FOXK1: variants seen among roughly 807,000 people sequenced by gnomAD.
The protein encoded by FOXK1 is forkhead box K1.
In FOXK1, 19 loss-of-function variants were observed where a neutral mutation model predicts 51.9. That is an observed-to-expected ratio of 0.37 (90% CI 0.26 to 0.54). The LOEUF is 0.54. Among genes scored for constraint, FOXK1 ranks in the 20% least tolerant of loss-of-function variants. The probability of loss-of-function intolerance (pLI) is 0.87; values close to 1 mark genes in which losing one functional copy is unlikely to be tolerated. For synonymous variants in FOXK1, 537 were observed against 482.6 expected, an observed-to-expected ratio of 1.11 and a Z score of -1.48; for missense variants, 870 against 1,032.7, an observed-to-expected ratio of 0.84 and a Z score of 2.16.
At chr7:4,716,058 C>G (rs1417583287) in intron 1 of FOXK1, among the ~76,000 whole-genome samples, 1 of 151,942 alleles carries the variant, frequency 6.6e-6, no homozygotes, top group Non-Finnish European at 1.5e-5. Context: ...ATGATGAAAC[C>G]CTGTCTCTAC....
intron 1 of FOXK1, among the ~76,000 whole-genome samples, chr7:4,725,572 C>T (rs1478154585): frequency 2.0e-5 from 3 of 152,376 alleles, no homozygotes; most frequent in East Asian, 1.9e-4. Context: ...CGGGCCCCTC[C>T]GGCCAGTCTG....
At chr7:4,754,678 C>T (rs1298800398) in intron 3 of FOXK1, 63 bp downstream of exon 3, 24 of 1,538,530 alleles carry the variant, frequency 1.6e-5, no homozygotes, top group African/African-American at 5.4e-5. Context: ...AGTGACCCGG[C>T]GCGGGCGGCA....
At chr7:4,688,350 T>C (rs1038409982) in intron 1 of FOXK1, among the ~76,000 whole-genome samples, 2 of 151,936 alleles carry the variant, frequency 1.3e-5, no homozygotes, top group Non-Finnish European at 2.9e-5. Flanking sequence ...AATCAGTGCA[T>C]AGGTTTCTCT....
At chr7:4,739,216 A>G (rs1447064187) in intron 1 of FOXK1, among the ~76,000 whole-genome samples, 1 of 152,182 alleles carries the variant, frequency 6.6e-6, no homozygotes, top group Middle Eastern at 3.2e-3. Flanking sequence ...AGCGTCTCTC[A>G]AGTGTTGAGT....
Position 4,706,028 on chromosome 7 carries a change from ATATACGTG to A in FOXK1, c.560+23165_560+23172del, listed in dbSNP as rs1395900154. Reference sequence around the variant, plus strand: ...CGTATATATACGTATATATACGTGTATATACGTGTATATACGTGTATATATGTATATAT... The same window carrying A: ...CGTATATATACGTATATATACGTGTATATATACGTGTATATATGTATATAT... On this transcript the variant is annotated intron_variant, in intron 1 of 8. Transcript: ENST00000328914. Among the ~76,000 whole-genome samples the A allele has an allele frequency of 1.5e-3, 160 of 109,932 alleles. 10 individuals carry two copies. The highest frequency in any genetic ancestry group is 8.8e-3 in the African/African-American group (145 of 16,412). The allele number at this position is 109,932 out of a possible 152,430, so 72.1% of individuals were successfully genotyped here.
In FOXK1 at chr7:4,758,850, C is replaced by G. The variant is rs1263771744; in HGVS notation, c.1245-201C>G. The G allele has an allele frequency of 8.4e-6, 5 of 598,562 alleles. No individual in the cohort carries two copies. Among genetic ancestry groups the G allele is most frequent in the Middle Eastern group, 4.4e-4 (1 of 2,262 alleles). The allele number at this position is 598,562 out of a possible 1,614,324, so 37.1% of individuals were successfully genotyped here. On this transcript the variant is annotated intron_variant, in intron 5 of 8. Transcript: ENST00000328914. This position sits in a 1 kb window ranked among gnomAD's most constrained non-coding sequence, Gnocchi z 4.4. ...TCCCCTCTCATGGAACGGAGCCTCC[C>G]CCATGCAGCCCCCACTCAAATGGAG...
chr7:4,712,540 G>C (rs762859416), intron 1 of FOXK1, among the ~76,000 whole-genome samples: 2 of 152,094 alleles, frequency 1.3e-5, no homozygotes, highest in African/African-American at 4.8e-5. Flanking sequence ...GTCCTGCCCC[G>C]CGCGCTTATT....
rs1378638959 is a variant in FOXK1 at position 4,735,319 on chromosome 7, C to T, written c.561-5519C>T. On this transcript the variant is annotated intron_variant, in intron 1 of 8. Coordinates refer to ENST00000328914, the MANE Select transcript of FOXK1 (RefSeq NM_001037165.2). This position sits in a 1 kb window ranked among gnomAD's most constrained non-coding sequence, Gnocchi z 4.7. Reference sequence around the variant, plus strand: ...CTGGAGTAGACCCTCAGTGTGGGAGCTTTTGGGCAAGAATTCTCCCCAAAA... The same window carrying T: ...CTGGAGTAGACCCTCAGTGTGGGAGTTTTTGGGCAAGAATTCTCCCCAAAA... Among the ~76,000 whole-genome samples the T allele has an allele frequency of 6.6e-6, 1 of 152,178 alleles. No homozygotes were observed. The highest frequency in any genetic ancestry group is 1.5e-5 in the Non-Finnish European group (1 of 68,026).
In FOXK1 at chr7:4,747,537, T is replaced by C. The variant is rs551921513; in HGVS notation, c.746+6514T>C. The stretch of plus-strand genomic sequence containing the variant: ...TGGGTTTGGGGGGTTGATTTTGTTT[T>C]TGTTTGTTTGTTTTTTGGGACAGGG... On this transcript the variant is annotated intron_variant, in intron 2 of 8. Transcript: ENST00000328914. The surrounding 1 kb of genome is among the most constrained non-coding windows in gnomAD (Gnocchi z 9.2). Among the ~76,000 whole-genome samples, 1 of 152,316 alleles carries C rather than the reference T, an allele frequency of 6.6e-6. No homozygotes were observed. The highest frequency in any genetic ancestry group is 2.4e-5 in the African/African-American group (1 of 41,566).
At chr7:4,721,326 G>GAC (rs1780306390) in intron 1 of FOXK1, among the ~76,000 whole-genome samples, 2 of 152,174 alleles carry the variant, frequency 1.3e-5, no homozygotes, top group Non-Finnish European at 2.9e-5. Context: ...CTAGCCCTGT[G>GAC]TCGCTGCAGC....
intron 1 of FOXK1, among the ~76,000 whole-genome samples, chr7:4,698,063 G>C (rs1779975837): frequency 6.6e-6 from 1 of 152,062 alleles, no homozygotes; most frequent in African/African-American, 2.4e-5. Flanking sequence ...GACCTCAAGT[G>C]ATCCTCCTGC....
intron 1 of FOXK1, 41 bp from the exon 2 acceptor site, chr7:4,740,797 T>TCTCCTCCTGCACCTCACACCCGCTC: frequency 1.3e-6 from 2 of 1,562,634 alleles, no homozygotes; most frequent in Non-Finnish European, 1.7e-6. Flanking sequence ...TCTTCTTGAG[T>TCTCCTCCTGCACCTCACACCCGCTC]CTCCTCCTGC....
Position 4,749,849 on chromosome 7 carries a change from T to G in FOXK1, c.747-4610T>G, listed in dbSNP as rs73674087. ...GTGGCTTTAGGTCTGTTGTTGGATT[T>G]GCCTTTCTCAGCGTGACTTCTCATC... On this transcript the variant is annotated intron_variant, in intron 2 of 8. Coordinates refer to ENST00000328914, the MANE Select transcript of FOXK1 (RefSeq NM_001037165.2). The surrounding 1 kb of genome is among the most constrained non-coding windows in gnomAD (Gnocchi z 6.0). 0.026 allele frequency among the ~76,000 whole-genome samples: 3,925 copies of G among 152,320 alleles called. 136 individuals are homozygous for G. The highest frequency in any genetic ancestry group is 0.081 in the African/African-American group (3,367 of 41,564).
At chr7:4,757,687 C>T (rs11971802) in intron 5 of FOXK1, among the ~76,000 whole-genome samples, 6,398 of 127,122 alleles carry the variant, frequency 0.05, 589 homozygotes, top group African/African-American at 0.18. Flanking sequence ...AAACAATACA[C>T]ACTACAACAG....
rs1562381354 is a variant in FOXK1 at position 4,729,742 on chromosome 7, C to T, written c.561-11096C>T. Among the ~76,000 whole-genome samples the T allele has an allele frequency of 6.6e-6, 1 of 152,194 alleles. No individual in the cohort carries two copies. Among genetic ancestry groups the T allele is most frequent in the African/African-American group, 2.4e-5 (1 of 41,430 alleles). The stretch of plus-strand genomic sequence containing the variant: ...CAGCAGCTCACGCCTGTAATCCCAG[C>T]ACTTTGGGAGGCCAAGGCAGGTGGA... On this transcript the variant is annotated intron_variant, in intron 1 of 8. Transcript: ENST00000328914. This position sits in a 1 kb window ranked among gnomAD's most constrained non-coding sequence, Gnocchi z 6.2.
At position 4,749,186 on chromosome 7, in the gene FOXK1, T is replaced by G. The variant is rs972254737; in HGVS notation, c.747-5273T>G. On this transcript the variant is annotated intron_variant, in intron 2 of 8. Transcript: ENST00000328914. The surrounding 1 kb of genome is among the most constrained non-coding windows in gnomAD (Gnocchi z 6.0). ...GCGTGTTCTTGCTCTGCAGGTGTGC[T>G]TTGCATGCTGTTCTTACTGTCCTAC... Among the ~76,000 whole-genome samples the G allele has an allele frequency of 2.0e-5, 3 of 152,212 alleles. No individual in the cohort carries two copies. Among genetic ancestry groups the G allele is most frequent in the African/African-American group, 7.2e-5 (3 of 41,454 alleles).
chr7:4,688,465 A>G (rs10227837), intron 1 of FOXK1, among the ~76,000 whole-genome samples: 22,810 of 151,482 alleles, frequency 0.15, 3,866 homozygotes, highest in African/African-American at 0.42. Context: ...CAGTGGCACT[A>G]TCTTGGCTCA....
rs764703700 is a variant in FOXK1 at position 4,735,705 on chromosome 7, C to T, written c.561-5133C>T. Among the ~76,000 whole-genome samples, 2 of 152,190 alleles carry T rather than the reference C, an allele frequency of 1.3e-5. No individual in the cohort carries two copies. Among genetic ancestry groups the T allele is most frequent in the African/African-American group, 2.4e-5 (1 of 41,446 alleles). Reference sequence around the variant, plus strand: ...TAGCGGAATCTCCGCCGGTCAAGACCGGCAGTGTGTGTGGCTGGGTTTAAA... The same window carrying T: ...TAGCGGAATCTCCGCCGGTCAAGACTGGCAGTGTGTGTGGCTGGGTTTAAA... On this transcript the variant is annotated intron_variant, in intron 1 of 8. Transcript: ENST00000328914. The surrounding 1 kb of genome is among the most constrained non-coding windows in gnomAD (Gnocchi z 4.7).
At position 4,722,313 on chromosome 7, in the gene FOXK1, C is replaced by A. The variant is rs1780324134; in HGVS notation, c.561-18525C>A. The stretch of plus-strand genomic sequence containing the variant: ...ATTCCAAAATCTGTTGTTCTAGAAA[C>A]TCTCTAAGGTTTTACCCAGATTCCC... On this transcript the variant is annotated intron_variant, in intron 1 of 8. Coordinates refer to ENST00000328914, the MANE Select transcript of FOXK1 (RefSeq NM_001037165.2). The surrounding 1 kb of genome is among the most constrained non-coding windows in gnomAD (Gnocchi z 5.1). Among the ~76,000 whole-genome samples the A allele has an allele frequency of 6.6e-6, 1 of 152,258 alleles. No individual in the cohort carries two copies. The highest frequency in any genetic ancestry group is 2.4e-5 in the African/African-American group (1 of 41,474).
Sources: allele counts gnomAD v4.1 joint callset (sites outside exome capture counted in the v4.1 genomes callset), GRCh38; gene constraint gnomAD v4.1.1; non-coding constraint Gnocchi (gnomAD v3.1); transcripts MANE v1.5; gene names NCBI Gene and HGNC (gene_info 2026-07-23, HGNC 2026-07-21).